LSAMP: variants seen among roughly 807,000 people sequenced by gnomAD.
The protein encoded by LSAMP is limbic system-associated membrane protein.
A neutral mutation model predicts 38.6 loss-of-function variants in LSAMP; 7 were observed. The ratio of observed to expected loss-of-function variants is 0.18; its 90% confidence interval spans 0.10 to 0.34. LSAMP has a LOEUF of 0.34. LSAMP is among the 10% of genes least tolerant of loss of function. The pLI is 1.00. For missense variants in LSAMP, 313 were observed against 420.0 expected (o/e 0.75, Z 2.23); for synonymous variants, 154 against 166.8 (o/e 0.92, Z 0.59).
chr3:116,229,548 A>G (rs2046378403), intron 1 of LSAMP, among the ~76,000 whole-genome samples: 1 of 152,204 alleles, frequency 6.6e-6, no homozygotes, highest in Admixed American at 6.5e-5. Context: ...GTTCACAGAT[A>G]AGACCACAAA....
intron 3 of LSAMP, among the ~76,000 whole-genome samples, chr3:115,859,510 T>A (rs1457657226): frequency 6.6e-6 from 1 of 152,040 alleles, no homozygotes; most frequent in Non-Finnish European, 1.5e-5. Flanking sequence ...AAGGGGTGGG[T>A]TACTCTGCTA....
intron 1 of LSAMP, among the ~76,000 whole-genome samples, chr3:116,255,908 T>C (rs1018249303): frequency 2.0e-5 from 3 of 152,182 alleles, no homozygotes; most frequent in Non-Finnish European, 4.4e-5. Context: ...TTTATTTATT[T>C]ATTTTTTTTG....
At chr3:116,167,722 G>A (rs1710094363) in intron 1 of LSAMP, among the ~76,000 whole-genome samples, 1 of 152,144 alleles carries the variant, frequency 6.6e-6, no homozygotes, top group South Asian at 2.1e-4. Flanking sequence ...GAAACATTTT[G>A]GCATATGCTA....
intron 3 of LSAMP, among the ~76,000 whole-genome samples, chr3:115,880,070 A>G (rs1337060812): frequency 6.6e-6 from 1 of 152,186 alleles, no homozygotes; most frequent in Non-Finnish European, 1.5e-5. Context: ...AATGCAACAG[A>G]TATTCCAAGG....
intron 1 of LSAMP, among the ~76,000 whole-genome samples, chr3:116,160,471 AAAGAG>A (rs1709861946): frequency 6.6e-6 from 1 of 151,672 alleles, no homozygotes; most frequent in African/African-American, 2.4e-5. Flanking sequence ...AAAGAAGAGA[AAAGAG>A]GAGAGGAGAG....
chr3:116,311,526 C>G (rs1389871851), intron 1 of LSAMP, among the ~76,000 whole-genome samples: 1 of 152,126 alleles, frequency 6.6e-6, no homozygotes, highest in East Asian at 1.9e-4. Flanking sequence ...AAAGCAGGAA[C>G]AAGTTTTAAT....
chr3:115,994,723 G>T (rs1269701658), intron 3 of LSAMP, among the ~76,000 whole-genome samples: 1 of 152,058 alleles, frequency 6.6e-6, no homozygotes, highest in Non-Finnish European at 1.5e-5. Context: ...TTTTATACTA[G>T]AATGAAAAAT....
intron 2 of LSAMP, among the ~76,000 whole-genome samples, chr3:116,063,987 G>A (rs181846251): frequency 1.3e-5 from 2 of 152,206 alleles, no homozygotes; most frequent in African/African-American, 2.4e-5. Flanking sequence ...GAATAAACAC[G>A]ATAAAGTGGG....
intron 1 of LSAMP, among the ~76,000 whole-genome samples, chr3:116,103,805 A>C (rs1361101129): frequency 6.6e-6 from 1 of 152,062 alleles, no homozygotes; most frequent in East Asian, 1.9e-4. Context: ...TATTTTTTCT[A>C]AGTGTATCAG....
chr3:116,294,661 G>A (rs1013370621), intron 1 of LSAMP, among the ~76,000 whole-genome samples: 6 of 151,956 alleles, frequency 3.9e-5, no homozygotes, highest in South Asian at 2.1e-4. Context: ...AGCTTAGATC[G>A]CCATTTAAAT....
chr3:116,208,435 T>C (rs2046100972), intron 1 of LSAMP, among the ~76,000 whole-genome samples: 2 of 152,228 alleles, frequency 1.3e-5, no homozygotes, highest in African/African-American at 4.8e-5. Context: ...TTTGTTCCGT[T>C]GCTGGTGAGG....
chr3:116,334,816 T>A (rs2047898423), intron 1 of LSAMP, among the ~76,000 whole-genome samples: 1 of 152,042 alleles, frequency 6.6e-6, no homozygotes, highest in Non-Finnish European at 1.5e-5. Flanking sequence ...GCTTTTCCTG[T>A]GTAGGAATCA....
chr3:115,854,443 C>T (rs1487888416), intron 3 of LSAMP, among the ~76,000 whole-genome samples: 4 of 151,518 alleles, frequency 2.6e-5, no homozygotes, highest in Non-Finnish European at 4.4e-5. Flanking sequence ...CCACTGCGCC[C>T]GGCTAATTTT....
At chr3:115,846,840 C>A (rs1935175383) in intron 4 of LSAMP, among the ~76,000 whole-genome samples, 1 of 152,142 alleles carries the variant, frequency 6.6e-6, no homozygotes, top group Non-Finnish European at 1.5e-5. Context: ...AGGGTACAAA[C>A]AATGGCACAA....
chr3:116,193,923 C>A lies in LSAMP; in HGVS notation c.156-107367G>T, dbSNP rs145960495. On this transcript the variant is annotated intron_variant, in intron 1 of 6. Transcript: ENST00000490035. ...TCTACAGTCATCATCCCTTTGCTGACCCTAGTTCAGTCACACATCCACTTC... is the reference window on the plus strand; with the variant it reads ...TCTACAGTCATCATCCCTTTGCTGAACCTAGTTCAGTCACACATCCACTTC... Among the ~76,000 whole-genome samples the A allele has an allele frequency of 7.1e-3, 1,001 of 141,506 alleles. 14 individuals are homozygous for A. The highest frequency in any genetic ancestry group is 0.023 in the African/African-American group (948 of 40,994). 92.8% of individuals were successfully genotyped at this position (141,506 alleles called of 152,430 possible). A position where few individuals can be genotyped will look rare whatever the true frequency, so the allele number is the denominator to read the frequency against.
Position 115,957,133 on chromosome 3 carries a change from T to C in LSAMP, c.514+62382A>G, listed in dbSNP as rs1290323333. On this transcript the variant is annotated intron_variant, in intron 3 of 6. Coordinates refer to ENST00000490035, the MANE Select transcript of LSAMP (RefSeq NM_002338.5). ...TAACTCAAATTAACTGAATAATTTA[T>C]GTAGTAAAGATATCCATGATAGGCA... 2.6e-5 allele frequency among the ~76,000 whole-genome samples: 4 copies of C among 152,344 alleles called. No homozygotes were observed. In the South Asian group the frequency reaches 6.2e-4, roughly 24 times the overall value.
At chr3:115,883,472 G>T (rs1187586658) in intron 3 of LSAMP, among the ~76,000 whole-genome samples, 1 of 152,056 alleles carries the variant, frequency 6.6e-6, no homozygotes, top group Non-Finnish European at 1.5e-5. Flanking sequence ...GTCCTAATGT[G>T]ATATATTTTG....
intron 3 of LSAMP, among the ~76,000 whole-genome samples, chr3:115,999,962 A>C (rs1939941592): frequency 6.6e-6 from 1 of 152,098 alleles, no homozygotes; most frequent in South Asian, 2.1e-4. Flanking sequence ...CCAGCAACTC[A>C]AACTGGGCAG....
chr3:116,409,304 C>T (rs2048940844), intron 1 of LSAMP, among the ~76,000 whole-genome samples: 1 of 152,014 alleles, frequency 6.6e-6, no homozygotes, highest in African/African-American at 2.4e-5. Flanking sequence ...TCATCTTCCT[C>T]TTTACTGCTG....
Sources: allele counts gnomAD v4.1 joint callset (sites outside exome capture counted in the v4.1 genomes callset), GRCh38; gene constraint gnomAD v4.1.1; transcripts MANE v1.5; gene names NCBI Gene and HGNC (gene_info 2026-07-23, HGNC 2026-07-21).